Variants in RERE observed in about 807,000 individuals in gnomAD.
RERE encodes arginine-glutamic acid dipeptide repeats.
Under a neutral mutation model 146.1 loss-of-function variants are expected in RERE, and 40 were observed. The observed-to-expected ratio is 0.27, with a 90% CI of 0.21 to 0.36. RERE has a LOEUF of 0.36. Ranked by LOEUF, RERE falls within the 10% of genes least tolerant of loss-of-function variation. The pLI is 1.00. For missense variants in RERE, 1,933 were observed against 2,138.7 expected, an observed-to-expected ratio of 0.90 and a Z score of 1.90; for synonymous variants, 1,003 against 866.0, an observed-to-expected ratio of 1.16 and a Z score of -2.78.
intron 11 of RERE, among the ~76,000 whole-genome samples, chr1:8,455,061 G>A (rs919108959): frequency 6.6e-6 from 1 of 151,980 alleles, no homozygotes; most frequent in Non-Finnish European, 1.5e-5. Flanking sequence ...TCTTCTTCAG[G>A]AGGTAACTGT....
chr1:8,684,651 C>T (rs888077713), intron 1 of RERE, among the ~76,000 whole-genome samples: 1 of 152,190 alleles, frequency 6.6e-6, no homozygotes, highest in African/African-American at 2.4e-5. Flanking sequence ...AAAGGATAAT[C>T]AAACCCAAGC....
intron 8 of RERE, among the ~76,000 whole-genome samples, chr1:8,501,182 C>G (rs1350413522): frequency 1.3e-5 from 2 of 149,998 alleles, no homozygotes; most frequent in Non-Finnish European, 3.0e-5. Flanking sequence ...CCTGCCCGGC[C>G]AGCCGCCCCG....
chr1:8,502,576 T>C lies in RERE; in HGVS notation c.880-5047A>G, dbSNP rs958333669. Among the ~76,000 whole-genome samples, 25 of 148,110 alleles carry C rather than the reference T, an allele frequency of 1.7e-4. No homozygotes were observed. In the East Asian group the frequency reaches 4.4e-3, roughly 26 times the overall value. ...GCCCCTCTGCCCGGCCACGACCCCT[T>C]CTGGGAGGTGTGCCCAGCGGCTCAT... On this transcript the variant is annotated intron_variant, in intron 8 of 22. Coordinates refer to ENST00000400908, the MANE Select transcript of RERE (RefSeq NM_001042681.2).
chr1:8,758,032 T>C (rs139541449), intron 1 of RERE, among the ~76,000 whole-genome samples: 68 of 152,164 alleles, frequency 4.5e-4, no homozygotes, highest in African/African-American at 1.6e-3. Context: ...AAGTCAGACA[T>C]AGAAAGACAG....
In RERE at chr1:8,794,555, G is replaced by T. The variant is rs12036533; in HGVS notation, c.-145+22605C>A. Among the ~76,000 whole-genome samples, 7 of 152,036 alleles carry T rather than the reference G, an allele frequency of 4.6e-5. No individual in the cohort carries two copies. The East Asian group carries it at 1.4e-3, about 29-fold the overall frequency. ...CCCATTGTATTTTTCCACAAAAAAT[G>T]TATTTACAGATTTCTGGGACTGAAA... is the stretch of plus-strand genomic sequence containing the variant. On this transcript the variant is annotated intron_variant, in intron 1 of 22. Coordinates refer to ENST00000400908, the MANE Select transcript of RERE (RefSeq NM_001042681.2).
chr1:8,395,828 G>A (rs1014456547), intron 12 of RERE, among the ~76,000 whole-genome samples: 2 of 152,112 alleles, frequency 1.3e-5, no homozygotes, highest in African/African-American at 4.8e-5. Flanking sequence ...AGTATGAGAG[G>A]TTCCATGCCT....
rs1196178913 is a variant in RERE at position 8,361,164 on chromosome 1, G to A, written c.2343C>T (p.Ala781=). 2 of 1,452,662 alleles carry A rather than the reference G, an allele frequency of 1.4e-6. No individual in the cohort carries two copies. The highest frequency in any genetic ancestry group is 1.4e-5 in the African/African-American group (1 of 70,246). The allele number at this position is 1,452,662 out of a possible 1,614,324, so 90.0% of individuals were successfully genotyped here. Residue 781 remains alanine, a synonymous_variant, in exon 18 of 23, where the codon GCC becomes GCT. Coordinates refer to ENST00000400908, the MANE Select transcript of RERE (RefSeq NM_001042681.2). The part of the protein sequence containing the change: ...TAVPPQGSPT[A]SQAPNQPQAP... ...CCTGTGGCTGGTTAGGGGCCTGGGA[G>A]GCCGTGGGGGAGCCCTGTGGGGGAA... is the stretch of plus-strand genomic sequence containing the variant.
intron 12 of RERE, among the ~76,000 whole-genome samples, chr1:8,372,515 T>TGTGTGTGTGTGTGG (rs1245169271): frequency 6.6e-6 from 1 of 150,726 alleles, no homozygotes; most frequent in South Asian, 2.1e-4. Context: ...GTCGTGTGTG[T>TGTGTGTGTGTGTGG]GTGTGTGTGT....
chr1:8,728,947 T>A (rs977215606), intron 1 of RERE, among the ~76,000 whole-genome samples: 1 of 152,036 alleles, frequency 6.6e-6, no homozygotes, highest in Non-Finnish European at 1.5e-5. Flanking sequence ...CAGGTGATCA[T>A]CCGAGGTCGG....
At position 8,614,649 on chromosome 1, in the gene RERE, G is replaced by T. The variant is rs771171032; in HGVS notation, c.434C>A (p.Pro145His). The T allele has an allele frequency of 1.1e-5, 18 of 1,612,826 alleles. No individual in the cohort carries two copies. The highest frequency in any genetic ancestry group is 1.4e-5 in the Non-Finnish European group (17 of 1,179,436). Residue 145 changes from proline to histidine, a missense_variant, in exon 4 of 23, where the codon CCT (proline) becomes CAT (histidine). Coordinates refer to ENST00000400908, the MANE Select transcript of RERE (RefSeq NM_001042681.2). ...GCATGCTGGGGGGTCACACAAAGCA[G>T]GAGTTGGAGATCTGCAACAGGCCTG... The part of the protein sequence containing the change: ...NSQACCRSPT[P>H]ALCDPPACSL...
At chr1:8,745,980 G>C (rs1640412214) in intron 1 of RERE, among the ~76,000 whole-genome samples, 1 of 152,176 alleles carries the variant, frequency 6.6e-6, no homozygotes, top group Non-Finnish European at 1.5e-5. Context: ...AAGCAGGATT[G>C]CTTGAACCCA....
At chr1:8,368,120 A>AGTGGTTCC (rs1641887503) in intron 12 of RERE, among the ~76,000 whole-genome samples, 1 of 152,226 alleles carries the variant, frequency 6.6e-6, no homozygotes, top group African/African-American at 2.4e-5. Flanking sequence ...AAAAACTCAC[A>AGTGGTTCC]GTGGTTCCTT....
chr1:8,769,430 C>A (rs1640904272), intron 1 of RERE, among the ~76,000 whole-genome samples: 2 of 152,106 alleles, frequency 1.3e-5, no homozygotes, highest in Admixed American at 1.3e-4. Flanking sequence ...GAATTCCGAA[C>A]CATTTTTAAA....
At chr1:8,761,090 G>A (rs1304244468) in intron 1 of RERE, among the ~76,000 whole-genome samples, 8 of 152,030 alleles carry the variant, frequency 5.3e-5, no homozygotes, top group Admixed American at 1.3e-4. Flanking sequence ...GCTCAGACTC[G>A]GAACCATTAT....
intron 19 of RERE, among the ~76,000 whole-genome samples, chr1:8,359,511 G>A (rs989734535): frequency 5.3e-5 from 8 of 152,198 alleles, no homozygotes; most frequent in East Asian, 1.9e-4. Context: ...CCCTTTCCTC[G>A]AAGGCCCTCC....
At chr1:8,745,189 G>C (rs1640395690) in intron 1 of RERE, among the ~76,000 whole-genome samples, 1 of 152,124 alleles carries the variant, frequency 6.6e-6, no homozygotes, top group African/African-American at 2.4e-5. Flanking sequence ...ATGTTCTAGA[G>C]ATGGTGAGTG....
chr1:8,521,632 T>C (rs978813123), intron 7 of RERE, among the ~76,000 whole-genome samples: 4 of 152,346 alleles, frequency 2.6e-5, no homozygotes, highest in African/African-American at 9.6e-5. Context: ...ATCTAATCTT[T>C]ACAAAAACTG....
chr1:8,368,148 G>A (rs1416091561), intron 12 of RERE, among the ~76,000 whole-genome samples: 1 of 152,168 alleles, frequency 6.6e-6, no homozygotes, highest in Non-Finnish European at 1.5e-5. Context: ...CTCAGTCCAA[G>A]TCATTTTAGG....
intron 1 of RERE, among the ~76,000 whole-genome samples, chr1:8,695,759 C>CA (rs1639316228): frequency 6.6e-6 from 1 of 151,654 alleles, no homozygotes; most frequent in African/African-American, 2.4e-5. Context: ...GACTCCAACT[C>CA]AAAAAAACAA....
Sources: allele counts gnomAD v4.1 joint callset (sites outside exome capture counted in the v4.1 genomes callset), GRCh38; gene constraint gnomAD v4.1.1; transcripts MANE v1.5; gene names NCBI Gene and HGNC (gene_info 2026-07-23, HGNC 2026-07-21).